AGRN: variants seen among roughly 807,000 people sequenced by gnomAD.
The protein encoded by AGRN is agrin, also known as agrin proteoglycan.
Under a neutral mutation model 211.0 loss-of-function variants are expected in AGRN, and 106 were observed. That is an observed-to-expected ratio of 0.50 (90% CI 0.43 to 0.59). The LOEUF is 0.59. Ranked by LOEUF, AGRN falls within the 20% of genes least tolerant of loss-of-function variation. The probability of loss-of-function intolerance (pLI) is 0.00; values close to 1 mark genes in which losing one functional copy is unlikely to be tolerated. For missense variants in AGRN, 3,040 were observed against 2,982.6 expected (o/e 1.02, Z -0.45); for synonymous variants, 1,525 against 1,332.5 (o/e 1.14, Z -3.15).
Position 1,044,427 on chromosome 1 carries a change from G to A in AGRN, c.2242G>A (p.Gly748Arg), listed in dbSNP as rs1366190613. 2 of 1,609,424 alleles carry A rather than the reference G, an allele frequency of 1.2e-6. No individual in the cohort carries two copies. ...GCGAGGGCTCTACGTAGCGGCCCAG[G>A]GAGCCTGCCGAGGTGAGCCGGCTGC... The part of the protein sequence containing the change: ...SQRGLYVAAQ[G>R]ACRGPTFAPL... Residue 748 changes from glycine to arginine, a missense_variant, in exon 12 of 36, where the codon GGA becomes AGA. By Grantham distance (125) the Gly-to-Arg change is moderately radical (BLOSUM62 -2). This residue lies in a region of AGRN where 1,498 missense variants were observed against 1,457.8 expected (regional missense o/e 1.03). Transcript: ENST00000379370.
chr1:1,054,529 C>T lies in AGRN; in HGVS notation c.5958C>T (p.Asp1986=), dbSNP rs1645399739. Residue 1986 remains aspartate (D), a synonymous_variant, in exon 35 of 36, where the codon GAC becomes GAT. Coordinates refer to ENST00000379370, the MANE Select transcript of AGRN (RefSeq NM_198576.4). ...GSSPLGATQL[D]TDGALWLGGL... Reference sequence around the variant, plus strand: ...CCCCGCTGGGCGCCACGCAGCTGGACACTGATGGAGCCCTGTGGCTTGGTG... The same window carrying T: ...CCCCGCTGGGCGCCACGCAGCTGGATACTGATGGAGCCCTGTGGCTTGGTG... The T allele has an allele frequency of 6.2e-7, 1 of 1,601,254 alleles. No individual in the cohort carries two copies. Among genetic ancestry groups the T allele is most frequent in the Non-Finnish European group, 8.5e-7 (1 of 1,175,100 alleles).
In AGRN at chr1:1,036,824, G is replaced by A. The variant is rs144157088; in HGVS notation, c.511+1500G>A. Among the ~76,000 whole-genome samples the A allele has an allele frequency of 1.1e-4, 17 of 152,322 alleles. No homozygotes were observed. In the East Asian group the frequency reaches 3.3e-3, roughly 29 times the overall value. On this transcript the variant is annotated intron_variant, in intron 3 of 35. Coordinates refer to ENST00000379370, the MANE Select transcript of AGRN (RefSeq NM_198576.4). Reference sequence around the variant, plus strand: ...CGGTCTGCGTGGCCAAGGTGATTGAGGCCTCTGAGGGGCCTCATGCCGGTG... The same window carrying A: ...CGGTCTGCGTGGCCAAGGTGATTGAAGCCTCTGAGGGGCCTCATGCCGGTG...
At chr1:1,022,164 A>G (rs1480231483) in intron 1 of AGRN, 37 bp from the exon 2 acceptor site, 1 of 1,612,598 alleles carries the variant, frequency 6.2e-7, no homozygotes, top group South Asian at 1.1e-5. Context: ...CTTCCCCAGG[A>G]GAGGACTAAT....
chr1:1,048,073 C>G lies in AGRN; in HGVS notation c.3813C>G (p.Ala1271=). 1.3e-6 allele frequency: 2 copies of G among 1,583,346 alleles called. No homozygotes were observed. Among genetic ancestry groups the G allele is most frequent in the South Asian group, 2.3e-5 (2 of 88,230 alleles). ...TSGAIAAGAT[A]RATTASRLPS... ...GAGCCATTGCTGCGGGAGCCACGGC[C>G]AGAGCCACCACTGCATCGCGCCTGC... Residue 1271 remains alanine (A), a synonymous_variant, in exon 23 of 36, where the codon GCC becomes GCG. Transcript: ENST00000379370. The surrounding 1 kb of genome is among the most constrained non-coding windows in gnomAD (Gnocchi z 5.9).
In AGRN at chr1:1,051,301, G is replaced by T. The variant is rs867244068; in HGVS notation, c.5302G>T (p.Ala1768Ser). ...GAAGGAGCCGCTCTACGTAGGGGGCGCTCCCGACTTCAGCAAGCTGGCCCG... is the reference window on the plus strand; with the variant it reads ...GAAGGAGCCGCTCTACGTAGGGGGCTCTCCCGACTTCAGCAAGCTGGCCCG... ...NLKEPLYVGGAPDFSKLARAA... is the reference protein window; with the variant it reads ...NLKEPLYVGGSPDFSKLARAA... The change falls in exon 31 of 36, where the codon GCT becomes TCT. Residue 1768 changes from alanine (A) to serine (S), a missense_variant. This residue lies in a region of AGRN where 1,537 missense variants were observed against 1,505.0 expected (regional missense o/e 1.02). Transcript: ENST00000379370. 5 of 1,572,614 alleles carry T rather than the reference G, an allele frequency of 3.2e-6. No individual in the cohort carries two copies. The highest frequency in any genetic ancestry group is 4.3e-6 in the Non-Finnish European group (5 of 1,159,960).
At position 1,050,549 on chromosome 1, in the gene AGRN, TG is replaced by T. The variant is rs1224233495; in HGVS notation, c.5101del (p.Glu1701SerfsTer59). On this transcript the variant is annotated frameshift_variant, in exon 29 of 36. Transcript: ENST00000379370. LOFTEE classifies it high-confidence loss of function. The part of the protein sequence containing the change: ...FVSLALRDRR[L>X]EFRYDLGKGA... ...TCGCTGGCACTGCGGGACCGCCGCC[TG>T]GAGTTCCGCTACGACCTGGGCAAGG... 6.2e-7 allele frequency: 1 copy of T among 1,612,432 alleles called. No individual in the cohort carries two copies. Among genetic ancestry groups the T allele is most frequent in the Non-Finnish European group, 8.5e-7 (1 of 1,179,720 alleles).
At chr1:1,034,117 A>G (rs950024385) in intron 2 of AGRN, 14 of 984,858 alleles carry the variant, frequency 1.4e-5, no homozygotes, top group African/African-American at 1.8e-5. Flanking sequence ...GCCCGCTCCT[A>G]TCGCCGCTTC....
In AGRN at chr1:1,053,468, ACT is replaced by A. The variant is rs1168890172; in HGVS notation, c.5652-282_5652-281del. ...TCTCTTCCTGCTTCTAAGCCCCGAAACTCTGGATTCCGGGGCCCTTCACAGGT... is the reference window on the plus strand; with the variant it reads ...TCTCTTCCTGCTTCTAAGCCCCGAAACTGGATTCCGGGGCCCTTCACAGGT... On this transcript the variant is annotated intron_variant, in intron 33 of 35. Transcript: ENST00000379370. 2.7e-6 allele frequency: 4 copies of A among 1,484,134 alleles called. No homozygotes were observed. In the East Asian group the frequency reaches 1.1e-4, roughly 42 times the overall value. 91.9% of individuals were successfully genotyped at this position (1,484,134 alleles called of 1,614,324 possible).
chr1:1,047,978 C>G (rs1478974785), intron 22 of AGRN, 34 bp from the exon 23 acceptor site: 1 of 1,569,198 alleles, frequency 6.4e-7, no homozygotes, highest in Non-Finnish European at 8.6e-7. Context: ...TGGCCCTGCT[C>G]CCAGGAAACC....
At chr1:1,023,037 C>T (rs940001151) in intron 2 of AGRN, among the ~76,000 whole-genome samples, 3 of 152,202 alleles carry the variant, frequency 2.0e-5, no homozygotes, top group Non-Finnish European at 1.5e-5. Flanking sequence ...TGGCAGCCCC[C>T]GCAGGACAAG....
At position 1,046,255 on chromosome 1, in the gene AGRN, C is replaced by A; in HGVS notation, c.2901C>A (p.Gly967=). ...QGLQISIQSL[G]PCQEAVAPST... ...TGCAAATCTCTATCCAGAGCCTGGG[C>A]CCGTGCCAGGGTGAGGCCTGACGGC... Residue 967 remains glycine (G), a synonymous_variant, in exon 17 of 36, where the codon GGC becomes GGA. Transcript: ENST00000379370. The A allele has an allele frequency of 6.2e-7, 1 of 1,613,476 alleles. No homozygotes were observed. The highest frequency in any genetic ancestry group is 8.5e-7 in the Non-Finnish European group (1 of 1,180,000).
chr1:1,052,306 A>C (rs1455899329), intron 33 of AGRN: 3 of 351,602 alleles, frequency 8.5e-6, no homozygotes, highest in Non-Finnish European at 1.7e-5. Context: ...GTGTGTGAAC[A>C]TGCAGCTGTG....
chr1:1,041,519 C>A lies in AGRN; in HGVS notation c.994C>A (p.Arg332Ser). ...GALPDPSRSCRVNPRTRRPEM... is the reference protein window; with the variant it reads ...GALPDPSRSCSVNPRTRRPEM... ...CCTCCCTGACCCGAGCCGCAGCTGC[C>A]GTGTGAACCCGCGCACGCGGCGCCC... is the stretch of plus-strand genomic sequence containing the variant. Residue 332 changes from arginine (R) to serine (S), a missense_variant, in exon 6 of 36, where the codon CGT (arginine) becomes AGT (serine). Physicochemically the swap from Arg to Ser is moderately radical, Grantham distance 110. Coordinates refer to ENST00000379370, the MANE Select transcript of AGRN (RefSeq NM_198576.4). 1.9e-6 allele frequency: 3 copies of A among 1,601,954 alleles called. No individual in the cohort carries two copies. The highest frequency in any genetic ancestry group is 1.1e-5 in the South Asian group (1 of 90,806).
At chr1:1,029,230 G>A (rs1212762407) in intron 2 of AGRN, among the ~76,000 whole-genome samples, 1 of 152,230 alleles carries the variant, frequency 6.6e-6, no homozygotes, top group Non-Finnish European at 1.5e-5. Flanking sequence ...AGTACCTGCG[G>A]GTGCCCAACC....
In AGRN at chr1:1,041,481, C is replaced by A; in HGVS notation, c.956C>A (p.Pro319His). The change falls in exon 6 of 36, where the codon CCC (proline) becomes CAC (histidine). Residue 319 changes from proline (P) to histidine (H), a missense_variant. Pro to His is a moderately conservative substitution (Grantham distance 77). Around this residue, in one of 3 missense-constraint regions of AGRN, gnomAD observed 1,498 missense variants for 1,457.8 expected, o/e 1.03. Transcript: ENST00000379370. ...VFKKFDGPCD[P>H]CQGALPDPSR... is the part of the protein sequence containing the mutation. The stretch of plus-strand genomic sequence containing the variant: ...GACTCCTGCCCTCGACCCCCAGACC[C>A]CTGTCAGGGCGCCCTCCCTGACCCG... 6.3e-7 allele frequency: 1 copy of A among 1,592,446 alleles called. No homozygotes were observed. Among genetic ancestry groups the A allele is most frequent in the East Asian group, 2.3e-5 (1 of 44,366 alleles).
intron 3 of AGRN, among the ~76,000 whole-genome samples, chr1:1,036,486 T>C (rs1305501422): frequency 6.6e-6 from 1 of 152,128 alleles, no homozygotes; most frequent in African/African-American, 2.4e-5. Context: ...TAGTCAGCTG[T>C]GCTTTGCTCC....
In AGRN at chr1:1,043,990, A is replaced by T; in HGVS notation, c.1966A>T (p.Ile656Phe). The change falls in exon 10 of 36, where the codon ATC becomes TTC. Residue 656 changes from isoleucine (I) to phenylalanine (F), a missense_variant. Physicochemically the swap from Ile to Phe is conservative, Grantham distance 21 (BLOSUM62 0). This residue lies in a region of AGRN where 1,498 missense variants were observed against 1,457.8 expected (regional missense o/e 1.03). Transcript: ENST00000379370. The part of the protein sequence containing the change: ...REAACLQQTQ[I>F]EEARAGPCEQ... Reference sequence around the variant, plus strand: ...AGCCGCCTGCCTCCAGCAGACACAGATCGAGGAGGCCCGGGCAGGGCCGTG... The same window carrying T: ...AGCCGCCTGCCTCCAGCAGACACAGTTCGAGGAGGCCCGGGCAGGGCCGTG... 6.2e-7 allele frequency: 1 copy of T among 1,606,896 alleles called. No homozygotes were observed. The highest frequency in any genetic ancestry group is 8.5e-7 in the Non-Finnish European group (1 of 1,178,982).
chr1:1,043,789 C>T (rs1443103778), intron 9 of AGRN, 34 bp from the exon 10 acceptor site: 1 of 1,607,472 alleles, frequency 6.2e-7, no homozygotes, highest in East Asian at 2.2e-5. Flanking sequence ...TCAGCCTGGG[C>T]CTGCCGACCC....
intron 33 of AGRN, 47 bp from the exon 34 acceptor site, chr1:1,053,706 C>G: frequency 2.0e-6 from 3 of 1,492,836 alleles, no homozygotes; most frequent in Admixed American, 1.9e-5. Context: ...CCCACCCTGT[C>G]CTGTTGCCAC....
Sources: gnomAD v4.1 joint callset for allele counts (sites outside exome capture counted in the v4.1 genomes callset) on GRCh38, gnomAD v4.1.1 for gene constraint, gnomAD v4.1.1 regional missense constraint, Gnocchi (gnomAD v3.1) non-coding constraint, MANE v1.5 for transcripts, NCBI Gene and HGNC (gene_info 2026-07-23, HGNC 2026-07-21) for gene names.